GPRC5A: variants seen among roughly 807,000 people sequenced by gnomAD.
GPRC5A encodes the protein G protein-coupled receptor class C group 5 member A, also known as retinoic acid-induced protein 3.
In GPRC5A, 19 loss-of-function variants were observed where a neutral mutation model predicts 22.5. The observed-to-expected ratio is 0.85, with a 90% CI of 0.59 to 1.24. GPRC5A has a LOEUF of 1.24. GPRC5A is among the 50% of genes most tolerant of loss of function. The probability of loss-of-function intolerance (pLI) is 0.00; values close to 1 mark genes in which losing one functional copy is unlikely to be tolerated. For synonymous variants in GPRC5A, 192 were observed against 184.5 expected (o/e 1.04, Z -0.33); for missense variants, 471 against 451.1 (o/e 1.04, Z -0.40).
rs1863967450 is a variant in GPRC5A, at chr12:12,908,545, TC to T, written c.298del (p.Leu100SerfsTer20). 1 of 1,614,040 alleles carries T rather than the reference TC, an allele frequency of 6.2e-7. No individual in the cohort carries two copies. The highest frequency in any genetic ancestry group is 8.5e-7 in the Non-Finnish European group (1 of 1,180,052). On this transcript the variant is annotated frameshift_variant, in exon 2 of 4. Coordinates refer to ENST00000014914, the MANE Select transcript of GPRC5A (RefSeq NM_003979.4). LOFTEE classifies it high-confidence loss of function. ...GGGAGCACAGGGCCCACACGCTTCT[TC>T]CTCTTTGGGATCCTCTTTTCCATCT... is the stretch of plus-strand genomic sequence containing the variant. ...LDGSTGPTRF[F>X]LFGILFSICF...
chr12:12,909,341 A>G, intron 2 of GPRC5A, 170 bp downstream of exon 2: 3 of 581,092 alleles, frequency 5.2e-6, no homozygotes, highest in South Asian at 4.7e-5. Context: ...CCTGTTAGAG[A>G]CAAGTAGAAC....
intron 1 of GPRC5A, among the ~76,000 whole-genome samples, chr12:12,893,671 A>G (rs66605136): frequency 0.16 from 24,261 of 152,210 alleles, 2,393 homozygotes; most frequent in African/African-American, 0.28. Flanking sequence ...AATAGAGTAG[A>G]GATGGCAAAC....
intron 1 of GPRC5A, among the ~76,000 whole-genome samples, chr12:12,905,349 C>G (rs759574027): frequency 3.9e-5 from 6 of 152,180 alleles, no homozygotes. Flanking sequence ...CCTCTGCGAG[C>G]CTTCCCTTCC....
intron 1 of GPRC5A, among the ~76,000 whole-genome samples, chr12:12,895,941 C>T (rs1456454007): frequency 2.1e-5 from 3 of 142,314 alleles, no homozygotes; most frequent in East Asian, 2.0e-4. Flanking sequence ...TGCAGTGAGC[C>T]GAGATCACGC....
At chr12:12,908,125 C>T (rs1863961636) in intron 1 of GPRC5A, 118 bp from the exon 2 acceptor site, 1 of 672,136 alleles carries the variant, frequency 1.5e-6, no homozygotes, top group Non-Finnish European at 2.5e-6. Flanking sequence ...AGCTCAAAGT[C>T]AAAACCCTGG....
rs1444426589 is a variant in GPRC5A, at chr12:12,915,854, G to A, written c.*3315G>A. ...TCTAAGAAACGCAGTGGTCTCTGAA[G>A]CCTGCAGGGGCAGGCCAGCCCTGCA... On this transcript the variant is annotated 3_prime_UTR_variant, in exon 4 of 4. Coordinates refer to ENST00000014914, the MANE Select transcript of GPRC5A (RefSeq NM_003979.4). 1.9e-6 allele frequency: 1 copy of A among 525,668 alleles called. No individual in the cohort carries two copies. Among genetic ancestry groups the A allele is most frequent in the Admixed American group, 2.0e-5 (1 of 50,984 alleles). The allele number at this position is 525,668 out of a possible 1,614,324, so 32.6% of individuals were successfully genotyped here. A position where few individuals can be genotyped will look rare whatever the true frequency, so the allele number is the denominator to read the frequency against.
chr12:12,893,353 G>A (rs576443049), intron 1 of GPRC5A, among the ~76,000 whole-genome samples: 1 of 152,268 alleles, frequency 6.6e-6, no homozygotes, highest in East Asian at 1.9e-4. Flanking sequence ...CAATTTTGAC[G>A]GCGTGATTTT....
At chr12:12,905,989 A>T (rs1863937835) in intron 1 of GPRC5A, among the ~76,000 whole-genome samples, 1 of 152,116 alleles carries the variant, frequency 6.6e-6, no homozygotes, top group Non-Finnish European at 1.5e-5. Flanking sequence ...GGGGAGGGGT[A>T]GGGAGAGAGA....
chr12:12,908,447 T>C lies in GPRC5A; in HGVS notation c.198T>C (p.Pro66=), dbSNP rs1946470184. 1 of 1,614,092 alleles carries C rather than the reference T, an allele frequency of 6.2e-7. No homozygotes were observed. The highest frequency in any genetic ancestry group is 1.3e-5 in the African/African-American group (1 of 75,068). Residue 66 remains proline (P), a synonymous_variant, in exon 2 of 4, where the codon CCT becomes CCC. Coordinates refer to ENST00000014914, the MANE Select transcript of GPRC5A (RefSeq NM_003979.4). ...VQDSNRRKML[P]TQFLFLLGVL... The stretch of plus-strand genomic sequence containing the variant: ...ACTCCAACAGGCGAAAAATGCTGCC[T>C]ACTCAGTTTCTCTTCCTCCTGGGTG...
chr12:12,907,006 A>G lies in GPRC5A; in HGVS notation c.-7-1237A>G, dbSNP rs565895953. Among the ~76,000 whole-genome samples the G allele has an allele frequency of 4.0e-5, 6 of 151,692 alleles. No homozygotes were observed. In the South Asian group the frequency reaches 1.3e-3, roughly 32 times the overall value. ...GAGGCGGAGGTTGCGGTGAGCCAAG[A>G]TTGTGCCATTGCACTCCAGCCTGGG... On this transcript the variant is annotated intron_variant, in intron 1 of 3. Coordinates refer to ENST00000014914, the MANE Select transcript of GPRC5A (RefSeq NM_003979.4).
At chr12:12,903,306 G>T (rs1030991813) in intron 1 of GPRC5A, among the ~76,000 whole-genome samples, 3 of 151,772 alleles carry the variant, frequency 2.0e-5, no homozygotes, top group Admixed American at 2.0e-4. Flanking sequence ...AAATAGACAC[G>T]GTCTTATTCT....
intron 1 of GPRC5A, among the ~76,000 whole-genome samples, chr12:12,895,393 G>T (rs1411800131): frequency 6.2e-5 from 9 of 144,624 alleles, no homozygotes; most frequent in Non-Finnish European, 1.2e-4. Context: ...TTTCAAAATA[G>T]TTACCATTTA....
At chr12:12,912,176 C>T (rs776629243) in intron 3 of GPRC5A, 34 bp downstream of exon 3, 7 of 1,406,020 alleles carry the variant, frequency 5.0e-6, no homozygotes, top group Admixed American at 1.7e-5. Flanking sequence ...TCATCAAAGG[C>T]ATTAGCACCT....
Position 12,912,623 on chromosome 12 carries a change from T to G in GPRC5A, c.*84T>G, listed in dbSNP as rs1405701359. The G allele has an allele frequency of 1.2e-6, 1 of 822,608 alleles. No homozygotes were observed. The highest frequency in any genetic ancestry group is 2.1e-6 in the Non-Finnish European group (1 of 471,206). The allele number at this position is 822,608 out of a possible 1,614,324, so 51.0% of individuals were successfully genotyped here. ...GGGATGTGGGCGAAATCTTGAGTCTTCTGAGAAAACTGTACAAGACACTAC... is the reference window on the plus strand; with the variant it reads ...GGGATGTGGGCGAAATCTTGAGTCTGCTGAGAAAACTGTACAAGACACTAC... On this transcript the variant is annotated 3_prime_UTR_variant, in exon 4 of 4. Coordinates refer to ENST00000014914, the MANE Select transcript of GPRC5A (RefSeq NM_003979.4).
chr12:12,899,899 C>T (rs1455592743), intron 1 of GPRC5A, among the ~76,000 whole-genome samples: 1 of 152,198 alleles, frequency 6.6e-6, no homozygotes, highest in Admixed American at 6.5e-5. Flanking sequence ...TTCTGGGCCC[C>T]AGATGATTCA....
At chr12:12,902,248 C>T (rs927626290) in intron 1 of GPRC5A, among the ~76,000 whole-genome samples, 1 of 151,826 alleles carries the variant, frequency 6.6e-6, no homozygotes, top group Non-Finnish European at 1.5e-5. Flanking sequence ...CAATCCCTAT[C>T]AGCTTAGGGA....
chr12:12,914,614 C>CTT lies in GPRC5A; in HGVS notation c.*2076_*2077insTT, dbSNP rs1175928379. 1 of 116,370 alleles carries CTT rather than the reference C, an allele frequency of 8.6e-6. No individual in the cohort carries two copies. Among genetic ancestry groups the CTT allele is most frequent in the Non-Finnish European group, 1.9e-5 (1 of 53,790 alleles). 7.2% of individuals were successfully genotyped at this position (116,370 alleles called of 1,614,324 possible). A position where few individuals can be genotyped will look rare whatever the true frequency, so the allele number is the denominator to read the frequency against. The stretch of plus-strand genomic sequence containing the variant: ...TTTCTTTCTCTCTCTCTCTCTCTCT[C>CTT]TCTTTCTTTCTTTCTTTTTGAGATA... On this transcript the variant is annotated 3_prime_UTR_variant, in exon 4 of 4. Coordinates refer to ENST00000014914, the MANE Select transcript of GPRC5A (RefSeq NM_003979.4).
chr12:12,917,851 C>T lies in GPRC5A; in HGVS notation c.*5312C>T, dbSNP rs899174059. On this transcript the variant is annotated 3_prime_UTR_variant, in exon 4 of 4. Transcript: ENST00000014914. ...TGGGGCAACACTGCTTAATGGATGC[C>T]TTTTCACATCATTTCAGTTTTTAGC... 6.6e-6 allele frequency: 1 copy of T among 152,160 alleles called. No individual in the cohort carries two copies. The highest frequency in any genetic ancestry group is 1.5e-5 in the Non-Finnish European group (1 of 68,034). The allele number at this position is 152,160 out of a possible 1,614,324, so 9.4% of individuals were successfully genotyped here.
At chr12:12,909,744 C>T (rs992492859) in intron 2 of GPRC5A, 3 of 152,578 alleles carry the variant, frequency 2.0e-5, no homozygotes, top group Non-Finnish European at 4.4e-5. Flanking sequence ...TGAAGAACCA[C>T]ATTTTTTGTG....
Sources: gnomAD v4.1 joint callset for allele counts (sites outside exome capture counted in the v4.1 genomes callset) on GRCh38, gnomAD v4.1.1 for gene constraint, MANE v1.5 for transcripts, NCBI Gene and HGNC (gene_info 2026-07-23, HGNC 2026-07-21) for gene names.